The following DHRSX variants were observed in gnomAD, a reference collection of about 807,000 sequenced individuals.
DHRSX encodes polyprenol dehydrogenase.
DHRSX carries 31 observed loss-of-function variants against 34.0 expected under a neutral mutation model. That is an observed-to-expected ratio of 0.91 (90% CI 0.69 to 1.23). The LOEUF is 1.23. DHRSX is among the 50% of genes most tolerant of loss of function. The pLI is 0.00. For missense variants in DHRSX, 414 were observed against 428.1 expected (o/e 0.97, Z 0.29); for synonymous variants, 201 against 183.8 (o/e 1.09, Z -0.76).
intron 3 of DHRSX, among the ~76,000 whole-genome samples, chrX:2,349,503 T>A (rs1808546530): frequency 6.6e-6 from 1 of 151,546 alleles, no homozygotes; most frequent in South Asian, 2.1e-4. Flanking sequence ...CCAGCCAACA[T>A]GGTGAAACCC....
At position 2,331,434 on chromosome X, in the gene DHRSX, T is replaced by TGG. The variant is rs1356425921; in HGVS notation, c.287-39833_287-39832dup. 3.2e-3 allele frequency among the ~76,000 whole-genome samples: 392 copies of TGG among 122,890 alleles called. 3 individuals are homozygous for TGG. The highest frequency in any genetic ancestry group is 0.017 in the Middle Eastern group (4 of 240). 80.6% of individuals were successfully genotyped at this position (122,890 alleles called of 152,430 possible). On this transcript the variant is annotated intron_variant, in intron 3 of 6. Transcript: ENST00000334651. ...GAGGAATCCTTTCAGGAAGGTTTTT[T>TGG]GGTTTTTTTTTTTTTTTTTTTTTTT...
intron 3 of DHRSX, among the ~76,000 whole-genome samples, chrX:2,342,048 T>C (rs1453540791): frequency 1.3e-5 from 2 of 152,206 alleles, no homozygotes; most frequent in East Asian, 1.9e-4. Flanking sequence ...TCAGGTGATC[T>C]GTCCGCCTCG....
chrX:2,485,949 G>A (rs1490426898), intron 1 of DHRSX, among the ~76,000 whole-genome samples: 9 of 151,076 alleles, frequency 6.0e-5, no homozygotes, highest in Non-Finnish European at 3.0e-5. Flanking sequence ...GGATTTGTTG[G>A]CTGAAGAAGA....
intron 1 of DHRSX, among the ~76,000 whole-genome samples, chrX:2,459,845 C>T (rs1441573234): frequency 1.1e-4 from 16 of 152,084 alleles, no homozygotes; most frequent in South Asian, 1.0e-3. Context: ...CGGTGGCTCA[C>T]GCCTGTCATC....
In DHRSX at chrX:2,441,883, C is replaced by T. The variant is rs1349821505; in HGVS notation, c.110-16579G>A. On this transcript the variant is annotated intron_variant, in intron 1 of 6. Transcript: ENST00000334651. ...GTCAGGAGTTCAAGACCAGCCTGGC[C>T]AACATGGTGAAACTCCGTCTTTACT... Among the ~76,000 whole-genome samples, 6 of 152,042 alleles carry T rather than the reference C, an allele frequency of 3.9e-5. 1 individual carries two copies. Among genetic ancestry groups the T allele is most frequent in the South Asian group, 4.2e-4 (2 of 4,802 alleles).
intron 6 of DHRSX, among the ~76,000 whole-genome samples, chrX:2,221,469 T>C (rs2015518144): frequency 6.6e-6 from 1 of 152,156 alleles, no homozygotes. Flanking sequence ...AGTGGTGGGT[T>C]AATCCATCTC....
intron 3 of DHRSX, among the ~76,000 whole-genome samples, chrX:2,360,164 C>G (rs1201444854): frequency 6.6e-6 from 1 of 152,026 alleles, no homozygotes; most frequent in Non-Finnish European, 1.5e-5. Flanking sequence ...TGCAAAAGAA[C>G]TCACCATTGC....
chrX:2,489,522 G>A, intron 1 of DHRSX: 1 of 1,613,054 alleles, frequency 6.2e-7, no homozygotes, highest in South Asian at 1.1e-5. Context: ...GGCTGCAGGA[G>A]CTCCACCAGC....
chrX:2,407,465 G>C (rs1327320206), intron 3 of DHRSX, among the ~76,000 whole-genome samples: 1 of 152,206 alleles, frequency 6.6e-6, no homozygotes, highest in African/African-American at 2.4e-5. Context: ...GAGAGGGAGA[G>C]AGTAGTTCTG....
intron 6 of DHRSX, among the ~76,000 whole-genome samples, chrX:2,229,567 T>C (rs1159535437): frequency 6.6e-6 from 1 of 152,140 alleles, no homozygotes; most frequent in Non-Finnish European, 1.5e-5. Context: ...TGTGCATGTG[T>C]GTGTGTGCAC....
At chrX:2,488,737 G>C in intron 1 of DHRSX, 3 of 1,613,922 alleles carry the variant, frequency 1.9e-6, no homozygotes, top group Non-Finnish European at 2.5e-6. Context: ...CCTCGTCCTG[G>C]TCCTCGGGTT....
At chrX:2,475,343 C>A (rs188128743) in intron 1 of DHRSX, among the ~76,000 whole-genome samples, 2 of 148,058 alleles carry the variant, frequency 1.4e-5, no homozygotes, top group African/African-American at 2.5e-5. Flanking sequence ...CCTAAGCATG[C>A]GGCTAAGGGA....
intron 1 of DHRSX, among the ~76,000 whole-genome samples, chrX:2,465,052 C>T (rs1296156625): frequency 6.6e-6 from 1 of 151,884 alleles, no homozygotes; most frequent in Admixed American, 6.6e-5. Flanking sequence ...CGAAGACGTT[C>T]CCTAGGCATA....
intron 2 of DHRSX, among the ~76,000 whole-genome samples, chrX:2,418,626 G>A (rs2043727562): frequency 2.0e-5 from 3 of 152,156 alleles, no homozygotes; most frequent in Admixed American, 2.0e-4. Flanking sequence ...ATGGATGTGA[G>A]CCCTCCCATC....
chrX:2,227,483 C>T (rs185698267), intron 6 of DHRSX, among the ~76,000 whole-genome samples: 2,238 of 115,842 alleles, frequency 0.019, 73 homozygotes, highest in African/African-American at 0.071. Flanking sequence ...AAGCAGAGAA[C>T]AAGACAGAAA....
chrX:2,298,612 A>ACACACACACACACACACACACACG (rs2041967739), intron 3 of DHRSX, among the ~76,000 whole-genome samples: 1 of 57,208 alleles, frequency 1.7e-5, no homozygotes, highest in African/African-American at 5.2e-5. Context: ...ACACACACAC[A>ACACACACACACACACACACACACG]CACACACACA....
At chrX:2,294,724 CAG>C (rs2041909897) in intron 3 of DHRSX, among the ~76,000 whole-genome samples, 1 of 139,856 alleles carries the variant, frequency 7.2e-6, no homozygotes, top group South Asian at 2.3e-4. Context: ...CACTGAGAGA[CAG>C]AGAGAAATAG....
intron 1 of DHRSX, among the ~76,000 whole-genome samples, chrX:2,461,035 A>T (rs1173156498): frequency 5.9e-5 from 9 of 152,216 alleles, no homozygotes; most frequent in Admixed American, 6.5e-5. Context: ...ACCATTTTTG[A>T]ATCATGAAAC....
At chrX:2,371,690 C>A (rs77347642) in intron 3 of DHRSX, among the ~76,000 whole-genome samples, 78,067 of 112,472 alleles carry the variant, frequency 0.69, 24,015 homozygotes, top group African/African-American at 0.77. Flanking sequence ...CCATTATCAC[C>A]GCCCCTCCTC....
Sources: allele counts gnomAD v4.1 joint callset (sites outside exome capture counted in the v4.1 genomes callset), GRCh38; gene constraint gnomAD v4.1.1; transcripts MANE v1.5; gene names NCBI Gene and HGNC (gene_info 2026-07-23, HGNC 2026-07-21).